The following SLC35F3 variants were observed in gnomAD, a reference collection of about 807,000 sequenced individuals.
SLC35F3 encodes the protein putative thiamine transporter SLC35F3.
SLC35F3 carries 25 observed loss-of-function variants against 49.9 expected under a neutral mutation model. That is an observed-to-expected ratio of 0.50 (90% CI 0.37 to 0.70). The LOEUF (loss-of-function observed/expected upper bound fraction) is 0.70. SLC35F3 is among the 30% of genes least tolerant of loss of function. The pLI is 0.00. For missense variants in SLC35F3, 525 were observed against 639.8 expected, an observed-to-expected ratio of 0.82 and a Z score of 1.94; for synonymous variants, 275 against 265.4, an observed-to-expected ratio of 1.04 and a Z score of -0.35.
intron 2 of SLC35F3, among the ~76,000 whole-genome samples, chr1:234,106,177 T>C (rs914626710): frequency 2.6e-5 from 4 of 152,376 alleles, no homozygotes; most frequent in African/African-American, 9.6e-5. Flanking sequence ...GATTGGTCTA[T>C]GCCAATGCTG....
intron 2 of SLC35F3, among the ~76,000 whole-genome samples, chr1:234,033,133 T>C (rs1664087382): frequency 6.6e-6 from 1 of 152,182 alleles, no homozygotes; most frequent in South Asian, 2.1e-4. Context: ...TTCCCTTATG[T>C]TTGTTGGCCA....
intron 2 of SLC35F3, among the ~76,000 whole-genome samples, chr1:234,012,274 T>C (rs1184215242): frequency 6.6e-6 from 1 of 152,190 alleles, no homozygotes; most frequent in Non-Finnish European, 1.5e-5. Context: ...AATGTACAAT[T>C]GGGTTTTATA....
chr1:234,318,861 C>A lies in SLC35F3; in HGVS notation c.1065C>A (p.Leu355=). 5.0e-6 allele frequency: 8 copies of A among 1,614,210 alleles called. No homozygotes were observed. The highest frequency in any genetic ancestry group is 6.8e-6 in the Non-Finnish European group (8 of 1,180,020). ...ILFITCIPII[L]YFTKVEYWSS... ...TCATCACCTGCATTCCTATTATCCT[C>A]TACTTTACCAAAGTGGAATACTGGA... The change falls in exon 6 of 8, where the codon CTC becomes CTA. Residue 355 remains leucine, a synonymous_variant. Coordinates refer to ENST00000366618, the MANE Select transcript of SLC35F3 (RefSeq NM_173508.4).
At chr1:234,016,417 A>G (rs546485040) in intron 2 of SLC35F3, among the ~76,000 whole-genome samples, 1 of 152,346 alleles carries the variant, frequency 6.6e-6, no homozygotes, top group East Asian at 1.9e-4. Context: ...TTAATGGATA[A>G]AGAAAATGTA....
intron 2 of SLC35F3, among the ~76,000 whole-genome samples, chr1:233,929,031 T>G (rs756544534): frequency 1.3e-5 from 2 of 152,178 alleles, no homozygotes; most frequent in African/African-American, 2.4e-5. Context: ...TGTCTGTTAA[T>G]ATAGAATACA....
intron 2 of SLC35F3, among the ~76,000 whole-genome samples, chr1:234,118,639 T>C (rs915704937): frequency 2.0e-5 from 3 of 152,182 alleles, no homozygotes; most frequent in Non-Finnish European, 4.4e-5. Context: ...TGTTGGCCAA[T>C]CCTGGCTCTA....
At chr1:234,155,659 A>G (rs1194950851) in intron 2 of SLC35F3, among the ~76,000 whole-genome samples, 1 of 152,040 alleles carries the variant, frequency 6.6e-6, no homozygotes, top group Non-Finnish European at 1.5e-5. Context: ...AAAGGAATAG[A>G]AAGTAAGGGA....
intron 2 of SLC35F3, among the ~76,000 whole-genome samples, chr1:234,117,002 G>C (rs1287109387): frequency 1.3e-5 from 2 of 152,136 alleles, no homozygotes; most frequent in African/African-American, 4.8e-5. Flanking sequence ...TAAAAACAGA[G>C]ATCTAGTGAC....
intron 2 of SLC35F3, among the ~76,000 whole-genome samples, chr1:234,048,123 A>G (rs767792104): frequency 1.3e-5 from 2 of 152,132 alleles, no homozygotes; most frequent in Non-Finnish European, 2.9e-5. Flanking sequence ...TAAGTTGGAT[A>G]TTTAGCTGAG....
At chr1:233,948,662 C>T (rs1662556075) in intron 2 of SLC35F3, among the ~76,000 whole-genome samples, 1 of 151,772 alleles carries the variant, frequency 6.6e-6, no homozygotes, top group African/African-American at 2.4e-5. Context: ...GCTGCACCCA[C>T]TAACTCGTCA....
At chr1:234,128,542 C>G (rs751226313) in intron 2 of SLC35F3, among the ~76,000 whole-genome samples, 5 of 152,054 alleles carry the variant, frequency 3.3e-5, no homozygotes, top group Admixed American at 6.6e-5. Context: ...GTGCTGAGAA[C>G]TGGAAATGAG....
intron 2 of SLC35F3, among the ~76,000 whole-genome samples, chr1:234,086,983 A>G (rs540967680): frequency 5.6e-4 from 85 of 152,334 alleles, no homozygotes; most frequent in African/African-American, 1.9e-3. Flanking sequence ...TGATCATTTC[A>G]TATTGTATGC....
At chr1:234,057,224 C>A (rs1232136452) in intron 2 of SLC35F3, among the ~76,000 whole-genome samples, 7 of 152,110 alleles carry the variant, frequency 4.6e-5, no homozygotes, top group Non-Finnish European at 1.0e-4. Context: ...GTAGGAATTG[C>A]ACTGACTAGG....
chr1:234,155,395 G>GATTATTATTATT (rs71583784), intron 2 of SLC35F3, among the ~76,000 whole-genome samples: 331 of 149,338 alleles, frequency 2.2e-3, no homozygotes, highest in African/African-American at 8.0e-3. Context: ...CTATTCACCT[G>GATTATTATTATT]ATTATTATTA....
chr1:234,241,364 A>G (rs1667550542), intron 3 of SLC35F3, among the ~76,000 whole-genome samples: 1 of 152,194 alleles, frequency 6.6e-6, no homozygotes, highest in Non-Finnish European at 1.5e-5. Flanking sequence ...TCCAGTTCTC[A>G]GATCCACTGT....
At chr1:234,026,371 A>G (rs773235947) in intron 2 of SLC35F3, among the ~76,000 whole-genome samples, 3 of 152,228 alleles carry the variant, frequency 2.0e-5, no homozygotes, top group Non-Finnish European at 4.4e-5. Context: ...TTAAATGGCA[A>G]TGTTTTGTTA....
intron 2 of SLC35F3, among the ~76,000 whole-genome samples, chr1:233,962,675 A>G (rs971870589): frequency 4.6e-5 from 7 of 152,224 alleles, no homozygotes; most frequent in African/African-American, 1.7e-4. Context: ...AACGTTTCAC[A>G]GGTGACACAC....
rs1456095864 is a variant in SLC35F3 at position 234,298,688 on chromosome 1, A to G, written c.609-10413A>G. 2.6e-5 allele frequency among the ~76,000 whole-genome samples: 4 copies of G among 152,338 alleles called. No homozygotes were observed. The South Asian group carries it at 8.3e-4, about 32-fold the overall frequency. The stretch of plus-strand genomic sequence containing the variant: ...GCCCAGGAATGATCAATTTGCCACT[A>G]TTATAACTCTTCTCTGATCACCTAC... On this transcript the variant is annotated intron_variant, in intron 3 of 7. Coordinates refer to ENST00000366618, the MANE Select transcript of SLC35F3 (RefSeq NM_173508.4).
At chr1:234,152,254 C>T (rs1281400969) in intron 2 of SLC35F3, among the ~76,000 whole-genome samples, 2 of 124,764 alleles carry the variant, frequency 1.6e-5, no homozygotes, top group South Asian at 2.7e-4. Flanking sequence ...TATTATTATA[C>T]TTTAAATTCT....
Sources: allele counts gnomAD v4.1 joint callset (sites outside exome capture counted in the v4.1 genomes callset), GRCh38; gene constraint gnomAD v4.1.1; transcripts MANE v1.5; gene names NCBI Gene and HGNC (gene_info 2026-07-23, HGNC 2026-07-21).